The following ST7L variants were observed in gnomAD, a reference collection of about 807,000 sequenced individuals.
ST7L encodes the protein suppressor of tumorigenicity 7 protein-like.
ST7L carries 57 observed loss-of-function variants against 72.5 expected under a neutral mutation model. The ratio of observed to expected loss-of-function variants is 0.79; its 90% CI spans 0.64 to 0.98. The LOEUF (loss-of-function observed/expected upper bound fraction) is 0.98. ST7L is among the 50% of genes least tolerant of loss of function. ST7L has a pLI of 0.00. For missense variants in ST7L, 576 were observed against 672.2 expected (o/e 0.86, Z 1.58); for synonymous variants, 221 against 240.9 (o/e 0.92, Z 0.77).
Position 112,616,906 on chromosome 1 carries a change from A to G in ST7L, c.206-11T>C. Reference sequence around the variant, plus strand: ...TTAAAAATACAGTCACTGTCAAAAGAACAAGAATCAAAGTTTTAAAAAATG... The same window carrying G: ...TTAAAAATACAGTCACTGTCAAAAGGACAAGAATCAAAGTTTTAAAAAATG... On this transcript the variant is annotated splice_polypyrimidine_tract_variant and intron_variant, in intron 1 of 14. Transcript: ENST00000358039. 6.3e-7 allele frequency: 1 copy of G among 1,585,066 alleles called. No individual in the cohort carries two copies. The highest frequency in any genetic ancestry group is 8.6e-7 in the Non-Finnish European group (1 of 1,167,148).
chr1:112,574,434 C>T (rs530185771), intron 11 of ST7L, among the ~76,000 whole-genome samples: 42 of 151,634 alleles, frequency 2.8e-4, no homozygotes, highest in East Asian at 5.9e-4. Flanking sequence ...CCAAGGCGGG[C>T]GGATCACAAG....
intron 11 of ST7L, among the ~76,000 whole-genome samples, chr1:112,556,534 C>G (rs1410843379): frequency 2.0e-5 from 3 of 152,036 alleles, no homozygotes; most frequent in African/African-American, 7.3e-5. Flanking sequence ...AATTAAATTC[C>G]TATTTACTAA....
At chr1:112,590,851 C>A (rs1226168933) in intron 6 of ST7L, among the ~76,000 whole-genome samples, 2 of 151,338 alleles carry the variant, frequency 1.3e-5, no homozygotes, top group Non-Finnish European at 2.9e-5. Flanking sequence ...CTAAAGTACT[C>A]AAGATTGAAT....
chr1:112,595,674 C>A (rs1047175781), intron 5 of ST7L, among the ~76,000 whole-genome samples: 1 of 152,204 alleles, frequency 6.6e-6, no homozygotes, highest in Admixed American at 6.5e-5. Flanking sequence ...CTACCTTGGC[C>A]TCTCAAAGTG....
At chr1:112,548,359 C>CA (rs991140493) in intron 13 of ST7L, among the ~76,000 whole-genome samples, 17 of 151,426 alleles carry the variant, frequency 1.1e-4, no homozygotes, top group African/African-American at 4.1e-4. Flanking sequence ...AACTCCATCT[C>CA]AAAAAACAAA....
chr1:112,562,714 G>A (rs1380355131), intron 11 of ST7L, among the ~76,000 whole-genome samples: 1 of 152,116 alleles, frequency 6.6e-6, no homozygotes, highest in Non-Finnish European at 1.5e-5. Flanking sequence ...TACTGGCCCA[G>A]AATATGAAGG....
intron 6 of ST7L, among the ~76,000 whole-genome samples, chr1:112,585,596 A>T (rs1664755594): frequency 1.3e-5 from 2 of 151,750 alleles, no homozygotes; most frequent in Admixed American, 6.6e-5. Context: ...AGCTGGGCGC[A>T]GTGGCGGGTG....
intron 11 of ST7L, among the ~76,000 whole-genome samples, chr1:112,571,007 T>C (rs970440470): frequency 6.6e-6 from 1 of 151,986 alleles, no homozygotes; most frequent in Non-Finnish European, 1.5e-5. Context: ...CCATCTCTAC[T>C]AAAAATACAA....
chr1:112,568,526 G>A (rs1046753943), intron 11 of ST7L, among the ~76,000 whole-genome samples: 6 of 150,992 alleles, frequency 4.0e-5, no homozygotes, highest in Non-Finnish European at 7.4e-5. Context: ...TAGTAGAGAC[G>A]GAGTTTCACC....
intron 11 of ST7L, among the ~76,000 whole-genome samples, chr1:112,558,711 C>T (rs1659597924): frequency 6.6e-6 from 1 of 152,220 alleles, no homozygotes; most frequent in African/African-American, 2.4e-5. Context: ...CCTGGTCAAG[C>T]AAAGCCCATT....
At chr1:112,556,230 A>G (rs1347088156) in intron 11 of ST7L, among the ~76,000 whole-genome samples, 1 of 152,232 alleles carries the variant, frequency 6.6e-6, no homozygotes. Context: ...TTCTATAGGT[A>G]AAAATAAGGT....
At chr1:112,556,999 C>G (rs1433834075) in intron 11 of ST7L, among the ~76,000 whole-genome samples, 2 of 87,888 alleles carry the variant, frequency 2.3e-5, no homozygotes, top group African/African-American at 4.3e-5. Flanking sequence ...AAAAAAAAAA[C>G]ACAAAGAAAA....
chr1:112,591,178 GC>G (rs1389600724), intron 6 of ST7L, among the ~76,000 whole-genome samples: 1 of 152,020 alleles, frequency 6.6e-6, no homozygotes, highest in Admixed American at 6.6e-5. Context: ...TGATCCGCCT[GC>G]CTCGGCCTCC....
intron 14 of ST7L, among the ~76,000 whole-genome samples, chr1:112,537,639 CAGGTGAGAAAATG>C (rs1655428521): frequency 6.6e-6 from 1 of 152,200 alleles, no homozygotes; most frequent in African/African-American, 2.4e-5. Flanking sequence ...GGCTTCAAAG[CAGGTGAGAAAATG>C]ACCTACCACT....
At chr1:112,602,051 T>C (rs1457813756) in intron 3 of ST7L, among the ~76,000 whole-genome samples, 1 of 139,696 alleles carries the variant, frequency 7.2e-6, no homozygotes, top group Non-Finnish European at 1.5e-5. Context: ...ACCATTGCAT[T>C]CCAGCCTGGG....
intron 4 of ST7L, among the ~76,000 whole-genome samples, chr1:112,598,830 G>C (rs1384753767): frequency 2.6e-5 from 4 of 151,304 alleles, no homozygotes; most frequent in South Asian, 4.2e-4. Flanking sequence ...GGCTGAGGCA[G>C]GAGGATCACT....
At chr1:112,604,652 G>A (rs968409197) in intron 3 of ST7L, among the ~76,000 whole-genome samples, 1 of 151,826 alleles carries the variant, frequency 6.6e-6, no homozygotes, top group Non-Finnish European at 1.5e-5. Flanking sequence ...TGAATGCCAG[G>A]CACAATGGCA....
intron 11 of ST7L, among the ~76,000 whole-genome samples, chr1:112,561,962 ACTTT>A (rs1660230116): frequency 6.8e-6 from 1 of 148,036 alleles, no homozygotes; most frequent in Non-Finnish European, 1.5e-5. Context: ...TGCTTCTAAA[ACTTT>A]ACTTTTTTTT....
At chr1:112,558,707 C>G (rs1041546341) in intron 11 of ST7L, among the ~76,000 whole-genome samples, 1 of 152,226 alleles carries the variant, frequency 6.6e-6, no homozygotes, top group African/African-American at 2.4e-5. Context: ...GTGTCCTGGT[C>G]AAGCAAAGCC....
Sources: gnomAD v4.1 joint callset for allele counts (sites outside exome capture counted in the v4.1 genomes callset) on GRCh38, gnomAD v4.1.1 for gene constraint, MANE v1.5 for transcripts, NCBI Gene and HGNC (gene_info 2026-07-23, HGNC 2026-07-21) for gene names.